Variants in NR1I2 observed in about 807,000 individuals in gnomAD.
NR1I2 encodes the protein nuclear receptor subfamily 1 group I member 2, also known as orphan nuclear receptor PAR1.
A neutral mutation model predicts 43.3 loss-of-function variants in NR1I2; 42 were observed. The observed-to-expected ratio is 0.97, with a 90% CI of 0.76 to 1.26. NR1I2 has a LOEUF of 1.26. Ranked by LOEUF, NR1I2 falls within the 50% of genes most tolerant of loss-of-function variation. The pLI is 0.00. For synonymous variants in NR1I2, 229 were observed against 215.0 expected (o/e 1.06, Z -0.57); for missense variants, 559 against 566.7 (o/e 0.99, Z 0.14).
intron 5 of NR1I2, 41 bp from the exon 6 acceptor site, chr3:119,814,938 C>T: frequency 6.2e-7 from 1 of 1,613,418 alleles, no homozygotes; most frequent in Non-Finnish European, 8.5e-7. Flanking sequence ...TGTGGGCTGC[C>T]TCCCAGGGAG....
chr3:119,799,305 CAT>C (rs1403933180), intron 1 of NR1I2, among the ~76,000 whole-genome samples: 4 of 152,108 alleles, frequency 2.6e-5, no homozygotes, highest in Admixed American at 6.5e-5. Flanking sequence ...TATATTTTCA[CAT>C]GTTTATTGGT....
chr3:119,793,656 T>C (rs1312496464), intron 1 of NR1I2, among the ~76,000 whole-genome samples: 2 of 152,222 alleles, frequency 1.3e-5, no homozygotes, highest in Non-Finnish European at 2.9e-5. Context: ...TTAAGATTCA[T>C]GTGATTAGAC....
At chr3:119,805,712 C>A (rs1188729941) in intron 1 of NR1I2, among the ~76,000 whole-genome samples, 1 of 45,190 alleles carries the variant, frequency 2.2e-5, no homozygotes, top group African/African-American at 4.0e-5. Flanking sequence ...CCCCCTCCCC[C>A]CCACCAAAAA....
intron 1 of NR1I2, among the ~76,000 whole-genome samples, chr3:119,806,939 C>T (rs2055168942): frequency 6.6e-6 from 1 of 152,206 alleles, no homozygotes; most frequent in Admixed American, 6.5e-5. Flanking sequence ...ACCCAGACAG[C>T]CTGCTCTCTT....
At chr3:119,792,103 T>C in intron 1 of NR1I2, 1 of 764,098 alleles carries the variant, frequency 1.3e-6, no homozygotes, top group South Asian at 1.4e-5. Flanking sequence ...CCGTGCATCC[T>C]CTTTGGGCCT....
At chr3:119,800,595 T>C (rs1250473825) in intron 1 of NR1I2, among the ~76,000 whole-genome samples, 1 of 152,228 alleles carries the variant, frequency 6.6e-6, no homozygotes, top group Non-Finnish European at 1.5e-5. Flanking sequence ...GGTCGTTTTT[T>C]TCCCCTTTTT....
At chr3:119,801,558 C>T (rs1356610879) in intron 1 of NR1I2, among the ~76,000 whole-genome samples, 1 of 152,258 alleles carries the variant, frequency 6.6e-6, no homozygotes, top group Non-Finnish European at 1.5e-5. Flanking sequence ...ACTGCAGCTG[C>T]TGGGCTGGCT....
chr3:119,806,816 C>T (rs2055167924), intron 1 of NR1I2, among the ~76,000 whole-genome samples: 1 of 152,200 alleles, frequency 6.6e-6, no homozygotes, highest in African/African-American at 2.4e-5. Flanking sequence ...TGTCCCCAGT[C>T]CCAGAAATCA....
chr3:119,801,082 G>A (rs112129658), intron 1 of NR1I2, among the ~76,000 whole-genome samples: 1 of 152,316 alleles, frequency 6.6e-6, no homozygotes, highest in East Asian at 1.9e-4. Context: ...TGTGTGCTCA[G>A]TGCAGCCTGA....
intron 1 of NR1I2, among the ~76,000 whole-genome samples, chr3:119,791,211 G>A (rs2107949597): frequency 6.6e-6 from 1 of 152,330 alleles, no homozygotes; most frequent in South Asian, 2.1e-4. Flanking sequence ...TTGTCCCTGG[G>A]ACAGAGCAAT....
intron 1 of NR1I2, among the ~76,000 whole-genome samples, chr3:119,794,003 T>A (rs923804917): frequency 6.6e-6 from 1 of 152,184 alleles, no homozygotes; most frequent in African/African-American, 2.4e-5. Context: ...GTATTTGTAA[T>A]TGCGTGTTTT....
Position 119,818,445 on chromosome 3 carries a change from C to G in NR1I2, c.*1233C>G. The G allele has an allele frequency of 2.0e-6, 2 of 985,086 alleles. No homozygotes were observed. The highest frequency in any genetic ancestry group is 2.4e-6 in the Non-Finnish European group (2 of 829,778). The allele number at this position is 985,086 out of a possible 1,614,324, so 61.0% of individuals were successfully genotyped here. A position where few individuals can be genotyped will look rare whatever the true frequency, so the allele number is the denominator to read the frequency against. On this transcript the variant is annotated 3_prime_UTR_variant, in exon 9 of 9. Transcript: ENST00000393716. ...GGAAATGTAGCCCTGGGTTTAATGT[C>G]AAATCAAGGCAAAAGGAATTAAATA...
chr3:119,817,499 T>C lies in NR1I2; in HGVS notation c.*287T>C, dbSNP rs981941713. ...AGAGAGGCAAGGTTGCCCTTTCCTT[T>C]TAAAAGGCCCTGTGGTCTGGGGAGA... On this transcript the variant is annotated 3_prime_UTR_variant, in exon 9 of 9. Coordinates refer to ENST00000393716, the MANE Select transcript of NR1I2 (RefSeq NM_003889.4). The C allele has an allele frequency of 1.4e-5, 18 of 1,289,352 alleles. No individual in the cohort carries two copies. The highest frequency in any genetic ancestry group is 1.8e-5 in the Non-Finnish European group (18 of 1,006,768). The allele number at this position is 1,289,352 out of a possible 1,614,324, so 79.9% of individuals were successfully genotyped here. A position where few individuals can be genotyped will look rare whatever the true frequency, so the allele number is the denominator to read the frequency against.
chr3:119,795,586 C>T (rs2054987267), intron 1 of NR1I2, among the ~76,000 whole-genome samples: 1 of 152,150 alleles, frequency 6.6e-6, no homozygotes, highest in East Asian at 1.9e-4. Flanking sequence ...GCTGCCTCCT[C>T]CCTCCCATTG....
rs78632576 is a variant in NR1I2 at position 119,784,401 on chromosome 3, G to A, written c.-23+2101G>A. Among the ~76,000 whole-genome samples the A allele has an allele frequency of 6.2e-3, 941 of 151,728 alleles. 3 individuals carry two copies. Among genetic ancestry groups the A allele is most frequent in the African/African-American group, 0.02 (835 of 41,322 alleles). On this transcript the variant is annotated intron_variant, in intron 1 of 8. Coordinates refer to ENST00000393716, the MANE Select transcript of NR1I2 (RefSeq NM_003889.4). The stretch of plus-strand genomic sequence containing the variant: ...TCATATCCTTAGCTTATTTTATGTC[G>A]GATTTTTTTTCTTCTTTGTAGGAGT...
intron 1 of NR1I2, among the ~76,000 whole-genome samples, chr3:119,783,814 T>C (rs955921691): frequency 2.0e-4 from 30 of 152,214 alleles, no homozygotes; most frequent in African/African-American, 7.0e-4. Flanking sequence ...TATGCATAGA[T>C]GGACTATTAA....
At chr3:119,810,423 C>A in intron 3 of NR1I2, 1 of 615,148 alleles carries the variant, frequency 1.6e-6, no homozygotes. Context: ...GGGATGTGTG[C>A]TGGGCAGCCC....
chr3:119,816,183 C>T (rs1162228651), intron 8 of NR1I2, among the ~76,000 whole-genome samples: 1 of 152,216 alleles, frequency 6.6e-6, no homozygotes, highest in East Asian at 1.9e-4. Context: ...AACCTATAAA[C>T]TGAAATCCTT....
intron 1 of NR1I2, chr3:119,792,093 C>A: frequency 1.3e-6 from 1 of 757,830 alleles, no homozygotes; most frequent in Non-Finnish European, 2.4e-6. Flanking sequence ...CAATATCATT[C>A]CGTGCATCCT....
Sources: gnomAD v4.1 joint callset for allele counts (sites outside exome capture counted in the v4.1 genomes callset) on GRCh38, gnomAD v4.1.1 for gene constraint, MANE v1.5 for transcripts, NCBI Gene and HGNC (gene_info 2026-07-23, HGNC 2026-07-21) for gene names.